The following TOGARAM1 variants were observed in gnomAD, a reference collection of about 807,000 sequenced individuals.
TOGARAM1 encodes the protein TOG array regulator of axonemal microtubules protein 1.
TOGARAM1 carries 100 observed loss-of-function variants against 166.6 expected under a neutral mutation model. The ratio of observed to expected loss-of-function variants is 0.60; its 90% CI spans 0.51 to 0.71. The LOEUF is 0.71. Among genes scored for constraint, TOGARAM1 ranks in the 30% least tolerant of loss-of-function variants. TOGARAM1 has a pLI of 0.00. For missense variants in TOGARAM1, 2,029 were observed against 2,102.7 expected, an observed-to-expected ratio of 0.96 and a Z score of 0.69; for synonymous variants, 758 against 763.8, an observed-to-expected ratio of 0.99 and a Z score of 0.13.
rs1880963657 is a variant in TOGARAM1, at chr14:45,028,158, T to G, written c.3505-18T>G. The G allele has an allele frequency of 6.4e-7, 1 of 1,555,212 alleles. No homozygotes were observed. Among genetic ancestry groups the G allele is most frequent in the African/African-American group, 1.4e-5 (1 of 71,724 alleles). ...CAAAGTCCCTGAATATTTTCAGACT[T>G]TCAACTTTTTCATGCAGGCTAAAGT... On this transcript the variant is annotated intron_variant, in intron 9 of 19. Transcript: ENST00000361462.
chr14:45,047,680 G>A (rs1882142931), intron 14 of TOGARAM1, among the ~76,000 whole-genome samples: 1 of 152,094 alleles, frequency 6.6e-6, no homozygotes, highest in Admixed American at 6.6e-5. Flanking sequence ...ATTTCTGTTA[G>A]TCTCTGTTTC....
At chr14:45,023,946 G>A (rs1218946633) in intron 7 of TOGARAM1, among the ~76,000 whole-genome samples, 2 of 152,038 alleles carry the variant, frequency 1.3e-5, no homozygotes, top group East Asian at 1.9e-4. Flanking sequence ...TCACCATGTT[G>A]GCCAGGCTGG....
chr14:44,988,849 AAATGGC>A (rs1886990560), intron 1 of TOGARAM1, among the ~76,000 whole-genome samples: 1 of 152,258 alleles, frequency 6.6e-6, no homozygotes, highest in Admixed American at 6.5e-5. Flanking sequence ...TGGGAGGCCC[AAATGGC>A]AAGGAACAGA....
chr14:44,974,781 A>G (rs972999666), intron 1 of TOGARAM1, among the ~76,000 whole-genome samples: 1 of 151,010 alleles, frequency 6.6e-6, no homozygotes, highest in African/African-American at 2.4e-5. Context: ...TGGAAAAAAA[A>G]GTTAATACAA....
chr14:45,003,179 G>A (rs1887767001), intron 3 of TOGARAM1, among the ~76,000 whole-genome samples: 1 of 151,952 alleles, frequency 6.6e-6, no homozygotes, highest in Non-Finnish European at 1.5e-5. Context: ...TTTTAACCAT[G>A]TCAGATATGA....
intron 16 of TOGARAM1, among the ~76,000 whole-genome samples, chr14:45,060,681 A>G (rs1456210823): frequency 2.0e-5 from 3 of 152,212 alleles, no homozygotes; most frequent in Non-Finnish European, 2.9e-5. Context: ...TTCAGAGCAT[A>G]CTGTGTGGGA....
At chr14:44,997,798 G>A (rs1198225859) in intron 2 of TOGARAM1, among the ~76,000 whole-genome samples, 4 of 151,024 alleles carry the variant, frequency 2.6e-5, no homozygotes, top group South Asian at 2.1e-4. Context: ...GTGAGACTCC[G>A]TCTCAAAAAA....
chr14:44,974,979 C>G (rs1042959240), intron 1 of TOGARAM1, among the ~76,000 whole-genome samples: 1 of 152,072 alleles, frequency 6.6e-6, no homozygotes, highest in Admixed American at 6.6e-5. Context: ...TTCTGTAGTG[C>G]TTTAATTACA....
At chr14:44,998,074 G>C (rs974279230) in intron 2 of TOGARAM1, among the ~76,000 whole-genome samples, 1 of 152,172 alleles carries the variant, frequency 6.6e-6, no homozygotes, top group Admixed American at 6.5e-5. Flanking sequence ...TGTTCCCTAG[G>C]AGAATTTATA....
At chr14:44,972,987 T>C (rs1378525142) in intron 1 of TOGARAM1, among the ~76,000 whole-genome samples, 1 of 152,158 alleles carries the variant, frequency 6.6e-6, no homozygotes, top group Non-Finnish European at 1.5e-5. Context: ...ATCAGTAACA[T>C]TAAGTGAGAA....
chr14:45,066,650 T>G lies in TOGARAM1; in HGVS notation c.4632T>G (p.Leu1544=). The G allele has an allele frequency of 6.2e-7, 1 of 1,613,934 alleles. No individual in the cohort carries two copies. Among genetic ancestry groups the G allele is most frequent in the African/African-American group, 1.3e-5 (1 of 75,066 alleles). ...ATTCCTTAGAAAGTGCTGAGTACCT[T>G]AAACTCATAACTGGCTTATTAAATG... ...PRNSLESAEY[L]KLITGLLNAK... The change falls in exon 17 of 20, where the codon CTT becomes CTG. Residue 1544 remains leucine, a synonymous_variant. Transcript: ENST00000361462.
intron 19 of TOGARAM1, among the ~76,000 whole-genome samples, chr14:45,073,095 C>T (rs1359106501): frequency 6.6e-6 from 1 of 152,160 alleles, no homozygotes; most frequent in African/African-American, 2.4e-5. Context: ...ACTAATTGTT[C>T]TATATGGGAT....
At position 44,995,866 on chromosome 14, in the gene TOGARAM1, G is replaced by A. The variant is rs780954750; in HGVS notation, c.2167G>A (p.Asp723Asn). ...VSRNLFQNSR[D>N]FNPDCLPLCA... ...AAGAAACTTATTTCAGAATAGTCGG[G>A]ATTTTAACCCAGATTGTCTTCCTTT... is the stretch of plus-strand genomic sequence containing the variant. The change falls in exon 2 of 20, where the codon GAT becomes AAT. Residue 723 changes from aspartate to asparagine, a missense_variant. Transcript: ENST00000361462. 1 of 1,610,732 alleles carries A rather than the reference G, an allele frequency of 6.2e-7. No individual in the cohort carries two copies. The highest frequency in any genetic ancestry group is 8.5e-7 in the Non-Finnish European group (1 of 1,178,944).
chr14:45,025,702 G>C (rs1880794435), intron 7 of TOGARAM1, 81 bp from the exon 8 acceptor site: 1 of 720,452 alleles, frequency 1.4e-6, no homozygotes, highest in South Asian at 1.8e-5. Flanking sequence ...AGTTTTAAAA[G>C]ACTATGTTAC....
chr14:45,011,512 C>T (rs559510164), intron 6 of TOGARAM1, among the ~76,000 whole-genome samples: 66 of 152,160 alleles, frequency 4.3e-4, no homozygotes, highest in African/African-American at 1.2e-3. Context: ...TGGAGTTTTG[C>T]GATGGTGCCC....
At chr14:45,058,044 A>G (rs2138985597) in intron 16 of TOGARAM1, among the ~76,000 whole-genome samples, 1 of 152,316 alleles carries the variant, frequency 6.6e-6, no homozygotes, top group Non-Finnish European at 1.5e-5. Context: ...GGAATGTTGA[A>G]GTCCACACTC....
At chr14:45,052,335 T>G in intron 14 of TOGARAM1, 101 bp from the exon 15 acceptor site, 7 of 891,668 alleles carry the variant, frequency 7.9e-6, no homozygotes, top group Non-Finnish European at 1.7e-6. Flanking sequence ...ATCTTGATGT[T>G]TGATAGGTGT....
At chr14:44,997,666 T>C (rs1387794325) in intron 2 of TOGARAM1, among the ~76,000 whole-genome samples, 2 of 152,042 alleles carry the variant, frequency 1.3e-5, no homozygotes, top group East Asian at 3.9e-4. Flanking sequence ...GAAACTGCCT[T>C]TGTGGATATT....
chr14:44,997,686 A>G (rs1380395923), intron 2 of TOGARAM1, among the ~76,000 whole-genome samples: 1 of 152,056 alleles, frequency 6.6e-6, no homozygotes, highest in African/African-American at 2.4e-5. Context: ...TCTTCAACAT[A>G]CCCATCTTTA....
Sources: allele counts gnomAD v4.1 joint callset (sites outside exome capture counted in the v4.1 genomes callset), GRCh38; gene constraint gnomAD v4.1.1; transcripts MANE v1.5; gene names NCBI Gene and HGNC (gene_info 2026-07-23, HGNC 2026-07-21).